RASAL1: variants seen among roughly 807,000 people sequenced by gnomAD.
RASAL1 encodes the protein RAS protein activator like 1, also known as rasGAP-activating-like protein 1.
A neutral mutation model predicts 96.6 loss-of-function variants in RASAL1; 72 were observed. The observed-to-expected ratio is 0.75, with a 90% CI of 0.62 to 0.91. The LOEUF (loss-of-function observed/expected upper bound fraction) is 0.91. Among genes scored for constraint, RASAL1 ranks in the 40% least tolerant of loss-of-function variants. The pLI, the probability that RASAL1 is intolerant of heterozygous loss-of-function variation, is 0.00. For synonymous variants in RASAL1, 405 were observed against 430.4 expected (o/e 0.94, Z 0.73); for missense variants, 1,016 against 1,072.5 (o/e 0.95, Z 0.74).
At chr12:113,124,577 C>A (rs1951415409) in intron 4 of RASAL1, among the ~76,000 whole-genome samples, 1 of 152,180 alleles carries the variant, frequency 6.6e-6, no homozygotes, top group African/African-American at 2.4e-5. Context: ...GCTCAGTGGG[C>A]AGATTAAGAG....
intron 4 of RASAL1, among the ~76,000 whole-genome samples, chr12:113,125,758 G>A (rs1487897981): frequency 6.6e-6 from 1 of 152,176 alleles, no homozygotes; most frequent in Non-Finnish European, 1.5e-5. Flanking sequence ...TTATCTGACC[G>A]ATGGATATAA....
At chr12:113,136,668 C>T (rs143704733), upstream of RASAL1, among the ~76,000 whole-genome samples, 2 of 152,334 alleles carry the variant, frequency 1.3e-5, no homozygotes, top group African/African-American at 4.8e-5. Flanking sequence ...GATGACATTG[C>T]ATTTCAGTCA....
chr12:113,107,267 G>T, intron 14 of RASAL1, 26 bp from the exon 15 acceptor site: 1 of 1,566,450 alleles, frequency 6.4e-7, no homozygotes. Flanking sequence ...GAGGGATGCC[G>T]GGGCCAAGGT....
At chr12:113,111,035 G>A (rs1446407748) in intron 13 of RASAL1, among the ~76,000 whole-genome samples, 1 of 152,188 alleles carries the variant, frequency 6.6e-6, no homozygotes, top group Non-Finnish European at 1.5e-5. Flanking sequence ...GCCCCCTTTA[G>A]ACAAGATCTG....
intron 19 of RASAL1, 62 bp from the exon 20 acceptor site, chr12:113,100,742 C>T: frequency 1.4e-6 from 2 of 1,440,270 alleles, no homozygotes; most frequent in Non-Finnish European, 1.9e-6. Context: ...CTTCCTACCC[C>T]AGAAATTCTC....
At chr12:113,105,458 C>T (rs566595880) in intron 16 of RASAL1, among the ~76,000 whole-genome samples, 3 of 152,372 alleles carry the variant, frequency 2.0e-5, no homozygotes, top group African/African-American at 7.2e-5. Context: ...TGTGTGCATC[C>T]ACATCTGGGA....
intron 4 of RASAL1, among the ~76,000 whole-genome samples, chr12:113,124,909 C>A (rs988696493): frequency 6.6e-6 from 1 of 152,224 alleles, no homozygotes; most frequent in Non-Finnish European, 1.5e-5. Flanking sequence ...ATCCTTACTA[C>A]ATACCTTGTA....
At chr12:113,104,402 C>A (rs113425247) in intron 16 of RASAL1, 104 bp from the exon 17 acceptor site, 31 of 1,195,874 alleles carry the variant, frequency 2.6e-5, no homozygotes, top group Non-Finnish European at 3.5e-6. Flanking sequence ...TTCCCAGCGG[C>A]GGGACATTCA....
chr12:113,100,979 C>T (rs1244116221), intron 19 of RASAL1, among the ~76,000 whole-genome samples: 2 of 152,214 alleles, frequency 1.3e-5, no homozygotes, highest in African/African-American at 4.8e-5. Context: ...CTTAAGGTCA[C>T]ACAGCATCAG....
chr12:113,106,080 G>A (rs997699030), intron 15 of RASAL1, among the ~76,000 whole-genome samples, 194 bp from the exon 16 acceptor site: 5 of 152,158 alleles, frequency 3.3e-5, no homozygotes, highest in Non-Finnish European at 7.4e-5. Flanking sequence ...GGGAGGAGGG[G>A]GAGGGCAGAG....
chr12:113,124,810 A>G (rs982064441), intron 4 of RASAL1, among the ~76,000 whole-genome samples: 15 of 152,252 alleles, frequency 9.9e-5, no homozygotes, highest in African/African-American at 3.4e-4. Flanking sequence ...TAGGTTTTCA[A>G]CTAATTCCCA....
chr12:113,116,897 A>C (rs1011298825), intron 8 of RASAL1, among the ~76,000 whole-genome samples, 176 bp downstream of exon 8: 1 of 152,234 alleles, frequency 6.6e-6, no homozygotes, highest in Non-Finnish European at 1.5e-5. Context: ...TGTAAAGTGA[A>C]CTTATGTGGA....
chr12:113,122,230 C>T (rs907626808), intron 4 of RASAL1, among the ~76,000 whole-genome samples: 3 of 152,192 alleles, frequency 2.0e-5, no homozygotes, highest in Non-Finnish European at 4.4e-5. Context: ...TCACACACTT[C>T]CCCCTGGTAT....
At chr12:113,114,668 G>T (rs1056838971) in intron 12 of RASAL1, 132 bp downstream of exon 12, 1 of 736,444 alleles carries the variant, frequency 1.4e-6, no homozygotes, top group Non-Finnish European at 2.4e-6. Context: ...GAGGCTTTCA[G>T]CTCAGCCACC....
At chr12:113,102,419 G>T (rs866389897) in intron 18 of RASAL1, among the ~76,000 whole-genome samples, 2 of 152,020 alleles carry the variant, frequency 1.3e-5, no homozygotes, top group Admixed American at 6.6e-5. Flanking sequence ...TTAGCCAGGC[G>T]TGGTGGCTCA....
At chr12:113,111,808 G>A (rs562944765) in intron 13 of RASAL1, among the ~76,000 whole-genome samples, 3 of 152,206 alleles carry the variant, frequency 2.0e-5, no homozygotes, top group South Asian at 4.2e-4. Flanking sequence ...TGGCCAGGCT[G>A]GTCTCGAACT....
At chr12:113,100,824 C>T (rs187936585) in intron 19 of RASAL1, 144 bp from the exon 20 acceptor site, 7 of 677,046 alleles carry the variant, frequency 1.0e-5, no homozygotes, top group Middle Eastern at 2.5e-4. Flanking sequence ...ACACAGCAAA[C>T]ATTTCTAGAG....
At chr12:113,131,968 C>CCT in intron 1 of RASAL1, among the ~76,000 whole-genome samples, 1 of 118,716 alleles carries the variant, frequency 8.4e-6, no homozygotes, top group Non-Finnish European at 1.8e-5. Context: ...TCTTCTTCTT[C>CCT]TTTTTTTTTT....
chr12:113,132,006 G>A (rs1421769438), intron 1 of RASAL1, among the ~76,000 whole-genome samples: 4 of 127,624 alleles, frequency 3.1e-5, no homozygotes, highest in African/African-American at 6.1e-5. Context: ...GAGTCTCACC[G>A]TATCACCCAG....
Sources: gnomAD v4.1 joint callset for allele counts (sites outside exome capture counted in the v4.1 genomes callset) on GRCh38, gnomAD v4.1.1 for gene constraint, MANE v1.5 for transcripts, NCBI Gene and HGNC (gene_info 2026-07-23, HGNC 2026-07-21) for gene names.